The following FAM174B variants were observed in gnomAD, a reference collection of about 807,000 sequenced individuals.
The protein encoded by FAM174B is family with sequence similarity 174 member B.
In FAM174B, 12 loss-of-function variants were observed where a neutral mutation model predicts 10.9. The ratio of observed to expected loss-of-function variants is 1.10; its 90% confidence interval spans 0.71 to 1.79. The LOEUF is 1.79. Ranked by LOEUF, FAM174B falls within the 40% of genes most tolerant of loss-of-function variation. The pLI is 0.00. For missense variants in FAM174B, 266 were observed against 233.3 expected (o/e 1.14, Z -0.91); for synonymous variants, 132 against 115.8 (o/e 1.14, Z -0.90).
chr15:92,633,994 C>T (rs1281606385), intron 1 of FAM174B, among the ~76,000 whole-genome samples: 1 of 122,914 alleles, frequency 8.1e-6, no homozygotes, highest in African/African-American at 3.1e-5. Flanking sequence ...TAGGGTCAAA[C>T]TCCCGATCTA....
rs1023347438 is a variant in FAM174B at position 92,619,504 on chromosome 15, C to T, written c.477-45G>A. ...AAGAGTAAGCCCCTTCTGGCAGAGC[C>T]TCGCACCCATTCTGACCCCTCCTGA... On this transcript the variant is annotated intron_variant, in intron 2 of 2. Transcript: ENST00000327355. 5 of 1,604,194 alleles carry T rather than the reference C, an allele frequency of 3.1e-6. No individual in the cohort carries two copies. The African/African-American group carries it at 6.7e-5, about 21-fold the overall frequency.
Position 92,618,000 on chromosome 15 carries a change from T to C in FAM174B, c.*1456A>G. On this transcript the variant is annotated 3_prime_UTR_variant, in exon 3 of 3. Transcript: ENST00000327355. ...GCAGGCGGAGGCTGCCGAGCTCCCA[T>C]GCCCCTTCCCACATATCCCAACTCT... 1 of 316,266 alleles carries C rather than the reference T, an allele frequency of 3.2e-6. No individual in the cohort carries two copies. The highest frequency in any genetic ancestry group is 5.7e-6 in the Non-Finnish European group (1 of 174,290). 19.6% of individuals were successfully genotyped at this position (316,266 alleles called of 1,614,324 possible). A position where few individuals can be genotyped will look rare whatever the true frequency, so the allele number is the denominator to read the frequency against.
Position 92,647,619 on chromosome 15 carries a change from G to A in FAM174B, c.344+7697C>T, listed in dbSNP as rs546786440. Among the ~76,000 whole-genome samples, 38 of 152,232 alleles carry A rather than the reference G, an allele frequency of 2.5e-4. No homozygotes were observed. The South Asian group carries it at 7.1e-3, about 28-fold the overall frequency. On this transcript the variant is annotated intron_variant, in intron 1 of 2. Coordinates refer to ENST00000327355, the MANE Select transcript of FAM174B (RefSeq NM_207446.3). ...ATAATGAAATAGAGATCATAAGACT[G>A]GCAAAACAAGGCTCTTTGTGGCAAT...
intron 1 of FAM174B, among the ~76,000 whole-genome samples, chr15:92,651,237 G>C (rs2050964397): frequency 6.6e-6 from 1 of 152,138 alleles, no homozygotes; most frequent in Non-Finnish European, 1.5e-5. Flanking sequence ...GCCTGCTCAA[G>C]GAAATCAAGA....
chr15:92,618,024 C>T lies in FAM174B; in HGVS notation c.*1432G>A, dbSNP rs565370374. On this transcript the variant is annotated 3_prime_UTR_variant, in exon 3 of 3. Transcript: ENST00000327355. ...ATGCCCCTTCCCACATATCCCAACT[C>T]TTCTCAGAAAACTGAAGAACCGAAG... is the stretch of plus-strand genomic sequence containing the variant. 3.5e-6 allele frequency: 1 copy of T among 286,906 alleles called. No homozygotes were observed. The highest frequency in any genetic ancestry group is 1.7e-4 in the South Asian group (1 of 6,028). The allele number at this position is 286,906 out of a possible 1,614,324, so 17.8% of individuals were successfully genotyped here.
At chr15:92,627,052 AAAAAAAAC>A (rs1001132699) in intron 2 of FAM174B, 8 of 151,756 alleles carry the variant, frequency 5.3e-5, no homozygotes, top group South Asian at 4.2e-4. Context: ...ACTCCATCTC[AAAAAAAAC>A]AAAAAAACAA....
At chr15:92,630,060 A>G (rs1183502886) in intron 2 of FAM174B, 154 bp downstream of exon 2, 3 of 576,442 alleles carry the variant, frequency 5.2e-6, no homozygotes, top group Non-Finnish European at 9.1e-6. Flanking sequence ...AAATGGACTA[A>G]CACAAGATCA....
chr15:92,633,736 G>A (rs1196350991), intron 1 of FAM174B, among the ~76,000 whole-genome samples: 2 of 152,160 alleles, frequency 1.3e-5, no homozygotes, highest in African/African-American at 2.4e-5. Flanking sequence ...CAAGCTTTGT[G>A]TGGGACTTAA....
At chr15:92,623,590 C>G (rs528378136) in intron 2 of FAM174B, among the ~76,000 whole-genome samples, 11 of 152,270 alleles carry the variant, frequency 7.2e-5, no homozygotes, top group African/African-American at 2.4e-4. Context: ...GAAGCTTGTC[C>G]GGCAGGCAAA....
chr15:92,625,249 G>C (rs1165670201), intron 2 of FAM174B, among the ~76,000 whole-genome samples: 1 of 151,344 alleles, frequency 6.6e-6, no homozygotes, highest in Non-Finnish European at 1.5e-5. Flanking sequence ...TGAAAACTTC[G>C]AGAAAAAAAA....
At chr15:92,641,307 G>A (rs2050890353) in intron 1 of FAM174B, among the ~76,000 whole-genome samples, 1 of 152,202 alleles carries the variant, frequency 6.6e-6, no homozygotes, top group Admixed American at 6.5e-5. Flanking sequence ...AGAGCAGTGT[G>A]ACAATATCCA....
At chr15:92,630,425 C>T (rs1207873842) in intron 1 of FAM174B, 80 bp from the exon 2 acceptor site, 2 of 1,365,162 alleles carry the variant, frequency 1.5e-6, no homozygotes, top group East Asian at 2.5e-5. Context: ...GAGGACCCGA[C>T]AGCAACTTAG....
chr15:92,630,202 T>C lies in FAM174B; in HGVS notation c.476+12A>G, dbSNP rs374894943. 121 of 1,612,816 alleles carry C rather than the reference T, an allele frequency of 7.5e-5. No homozygotes were observed. Among genetic ancestry groups the C allele is most frequent in the Non-Finnish European group, 9.7e-5 (114 of 1,179,160 alleles). On this transcript the variant is annotated intron_variant, in intron 2 of 2. Transcript: ENST00000327355. ...CCAAGCCCAGGAGGAAGCCTCTGTC[T>C]CCACCCTGTACCTGTATTTGATGTC...
intron 1 of FAM174B, among the ~76,000 whole-genome samples, chr15:92,630,574 T>C (rs1047983529): frequency 1.3e-5 from 2 of 151,804 alleles, no homozygotes; most frequent in African/African-American, 4.8e-5. Flanking sequence ...GCCCCACTTA[T>C]GGTCATGGGA....
At chr15:92,626,612 G>T (rs1450958000) in intron 2 of FAM174B, among the ~76,000 whole-genome samples, 1 of 152,112 alleles carries the variant, frequency 6.6e-6, no homozygotes, top group African/African-American at 2.4e-5. Context: ...CTGGTCAGTG[G>T]GACAAAGGGG....
chr15:92,653,308 T>A (rs1180248436), intron 1 of FAM174B: 1 of 152,270 alleles, frequency 6.6e-6, no homozygotes, highest in Non-Finnish European at 1.5e-5. Context: ...CCCTCACATC[T>A]GGGTGCATGC....
intron 1 of FAM174B, among the ~76,000 whole-genome samples, chr15:92,650,213 A>T (rs936629171): frequency 1.6e-4 from 25 of 152,230 alleles, no homozygotes; most frequent in African/African-American, 5.3e-4. Flanking sequence ...GAATTTAGGA[A>T]ATACAAGATA....
At chr15:92,645,599 A>C (rs1427654518) in intron 1 of FAM174B, 1 of 152,276 alleles carries the variant, frequency 6.6e-6, no homozygotes, top group Non-Finnish European at 1.5e-5. Flanking sequence ...GTGTGTTTGC[A>C]AAGGGTTGGT....
chr15:92,638,582 G>A (rs568484175), intron 1 of FAM174B, among the ~76,000 whole-genome samples: 27 of 152,256 alleles, frequency 1.8e-4, no homozygotes, highest in African/African-American at 5.3e-4. Context: ...AAAGTGCAGC[G>A]ACTGAGGTTC....
Sources: gnomAD v4.1 joint callset for allele counts (sites outside exome capture counted in the v4.1 genomes callset) on GRCh38, gnomAD v4.1.1 for gene constraint, MANE v1.5 for transcripts, NCBI Gene and HGNC (gene_info 2026-07-23, HGNC 2026-07-21) for gene names.